Variants in SECISBP2L observed in about 807,000 individuals in gnomAD.
SECISBP2L encodes the protein selenocysteine insertion sequence-binding protein 2-like.
SECISBP2L carries 43 observed loss-of-function variants against 114.7 expected under a neutral mutation model. That is an observed-to-expected ratio of 0.38 (90% confidence interval 0.29 to 0.48). SECISBP2L has a LOEUF of 0.48. Ranked by LOEUF, SECISBP2L falls within the 20% of genes least tolerant of loss-of-function variation. The probability of loss-of-function intolerance (pLI) is 0.98; values close to 1 mark genes in which losing one functional copy is unlikely to be tolerated. For synonymous variants in SECISBP2L, 451 were observed against 439.7 expected (o/e 1.03, Z -0.32); for missense variants, 1,136 against 1,301.1 (o/e 0.87, Z 1.95).
Position 48,992,603 on chromosome 15 carries a change from G to A in SECISBP2L, c.2947C>T (p.Leu983Phe). 6.2e-7 allele frequency: 1 copy of A among 1,614,134 alleles called. No homozygotes were observed. The highest frequency in any genetic ancestry group is 8.5e-7 in the Non-Finnish European group (1 of 1,180,042). ...TCTTCTTCAAGCATGCCAGGTACAA[G>A]AGTGCTGGTGGTGCTGGTGATGGAG... ...NSSITSTTST[L>F]VPGMLEEEED... The change falls in exon 18 of 18, where the codon CTT (leucine) becomes TTT (phenylalanine). Residue 983 changes from leucine to phenylalanine, a missense_variant. This residue lies in a region of SECISBP2L where 684 missense variants were observed against 848.7 expected (regional missense o/e 0.81). Coordinates refer to ENST00000559471, the MANE Select transcript of SECISBP2L (RefSeq NM_001193489.2).
chr15:49,015,440 T>G (rs1425691732), intron 11 of SECISBP2L, among the ~76,000 whole-genome samples: 2 of 152,210 alleles, frequency 1.3e-5, no homozygotes, highest in African/African-American at 4.8e-5. Flanking sequence ...TTAAACGTTT[T>G]GCACACAGGT....
chr15:49,010,870 T>C (rs1161665203), intron 13 of SECISBP2L, among the ~76,000 whole-genome samples: 1 of 152,220 alleles, frequency 6.6e-6, no homozygotes, highest in Non-Finnish European at 1.5e-5. Context: ...AGGACCTGTC[T>C]ACTATATATC....
intron 1 of SECISBP2L, 38 bp from the exon 2 acceptor site, chr15:49,037,807 G>C: frequency 1.3e-6 from 2 of 1,526,208 alleles, no homozygotes; most frequent in Non-Finnish European, 1.8e-6. Flanking sequence ...TAACAAATGA[G>C]CAAGCAACTT....
Position 49,046,412 on chromosome 15 carries a change from C to T in SECISBP2L, c.-113G>A, listed in dbSNP as rs1368301619. On this transcript the variant is annotated 5_prime_UTR_variant, in exon 1 of 18. Coordinates refer to ENST00000559471, the MANE Select transcript of SECISBP2L (RefSeq NM_001193489.2). ...CTGGGTTCCGGACCTCCGCCCCTAT[C>T]TGGCTGGCCGCGACACCGATTCGGC... 2 of 1,204,202 alleles carry T rather than the reference C, an allele frequency of 1.7e-6. No individual in the cohort carries two copies. Among genetic ancestry groups the T allele is most frequent in the East Asian group, 3.2e-5 (1 of 31,486 alleles). 74.6% of individuals were successfully genotyped at this position (1,204,202 alleles called of 1,614,324 possible).
Position 48,992,753 on chromosome 15 carries a change from T to C in SECISBP2L, c.2797A>G (p.Thr933Ala), listed in dbSNP as rs201669301. Residue 933 changes from threonine to alanine, a missense_variant, in exon 18 of 18, where the codon ACA becomes GCA. Thr to Ala is a moderately conservative substitution (Grantham distance 58). Transcript: ENST00000559471. Reference protein sequence around the residue: ...LVATGSTTSATSAGKSTASDK... With the variant: ...LVATGSTTSAASAGKSTASDK... ...CTTGCTGTGGATTTCCCAGCACTTGTAGCTGAGGTAGTACTGCCTGTAGCC... is the reference window on the plus strand; with the variant it reads ...CTTGCTGTGGATTTCCCAGCACTTGCAGCTGAGGTAGTACTGCCTGTAGCC... The C allele has an allele frequency of 9.3e-6, 15 of 1,614,226 alleles. No homozygotes were observed. The highest frequency in any genetic ancestry group is 1.6e-4 in the Middle Eastern group (1 of 6,062).
chr15:49,030,458 C>G (rs936916123), intron 4 of SECISBP2L, among the ~76,000 whole-genome samples: 1 of 152,210 alleles, frequency 6.6e-6, no homozygotes, highest in Non-Finnish European at 1.5e-5. Flanking sequence ...AGCCTGCTAG[C>G]ACAGTGTTCC....
At chr15:49,005,612 T>G (rs1902304676) in intron 14 of SECISBP2L, among the ~76,000 whole-genome samples, 1 of 142,576 alleles carries the variant, frequency 7.0e-6, no homozygotes, top group Non-Finnish European at 1.5e-5. Context: ...TTGGTAAATA[T>G]TCCTCCATCC....
At chr15:49,025,712 A>G (rs1902727772) in intron 7 of SECISBP2L, among the ~76,000 whole-genome samples, 1 of 152,182 alleles carries the variant, frequency 6.6e-6, no homozygotes. Flanking sequence ...GCCTATTCTC[A>G]AAAAGACAAA....
At chr15:49,021,418 C>A (rs975621155) in intron 7 of SECISBP2L, among the ~76,000 whole-genome samples, 1 of 152,206 alleles carries the variant, frequency 6.6e-6, no homozygotes, top group Non-Finnish European at 1.5e-5. Context: ...TAAGACATTT[C>A]AAGTTACCTC....
At chr15:49,008,561 T>C (rs531090806) in intron 14 of SECISBP2L, among the ~76,000 whole-genome samples, 16 of 152,330 alleles carry the variant, frequency 1.1e-4, no homozygotes, top group East Asian at 5.8e-4. Flanking sequence ...TCAAAAACAA[T>C]GGTATAGGGA....
intron 17 of SECISBP2L, among the ~76,000 whole-genome samples, chr15:48,994,135 T>C (rs1902043274): frequency 6.6e-6 from 1 of 152,046 alleles, no homozygotes; most frequent in Non-Finnish European, 1.5e-5. Flanking sequence ...CACCTCCTCC[T>C]ATATTCTCAT....
At chr15:49,010,136 C>T (rs1902408226) in intron 13 of SECISBP2L, among the ~76,000 whole-genome samples, 1 of 151,670 alleles carries the variant, frequency 6.6e-6, no homozygotes, top group Non-Finnish European at 1.5e-5. Flanking sequence ...CACACACACA[C>T]ACACACACAC....
At chr15:49,034,955 C>A (rs1362742846) in intron 3 of SECISBP2L, among the ~76,000 whole-genome samples, 1 of 152,092 alleles carries the variant, frequency 6.6e-6, no homozygotes, top group Non-Finnish European at 1.5e-5. Context: ...GGCCACTACA[C>A]CTGGCCCATT....
intron 4 of SECISBP2L, among the ~76,000 whole-genome samples, chr15:49,029,565 C>T (rs1375703144): frequency 6.6e-6 from 1 of 152,088 alleles, no homozygotes; most frequent in East Asian, 1.9e-4. Flanking sequence ...GATGAGACAC[C>T]TGAGTTGTTT....
At chr15:48,994,842 GAAAA>G (rs34085482) in intron 17 of SECISBP2L, among the ~76,000 whole-genome samples, 32 of 133,046 alleles carry the variant, frequency 2.4e-4, no homozygotes, top group African/African-American at 4.0e-4. Context: ...AAGTGCTGGG[GAAAA>G]AAAAAAAAAA....
chr15:49,022,276 C>G (rs1462545073), intron 7 of SECISBP2L, among the ~76,000 whole-genome samples: 12 of 152,104 alleles, frequency 7.9e-5, no homozygotes, highest in Admixed American at 5.9e-4. Flanking sequence ...TGCCACCATG[C>G]CTGCCTTACA....
chr15:49,039,397 G>T (rs768503672), intron 1 of SECISBP2L, among the ~76,000 whole-genome samples: 1 of 151,840 alleles, frequency 6.6e-6, no homozygotes, highest in Admixed American at 6.6e-5. Context: ...AAAAGCCGAC[G>T]TACAGCAATA....
At chr15:49,007,541 G>A (rs552677132) in intron 14 of SECISBP2L, among the ~76,000 whole-genome samples, 22 of 152,260 alleles carry the variant, frequency 1.4e-4, no homozygotes, top group African/African-American at 4.8e-4. Flanking sequence ...CAGCTTTGCC[G>A]AGCTCAATTC....
intron 6 of SECISBP2L, 77 bp from the exon 7 acceptor site, chr15:49,027,557 T>C (rs1184742157): frequency 9.0e-6 from 7 of 776,782 alleles, no homozygotes; most frequent in Non-Finnish European, 1.2e-5. Context: ...CTTCACATAC[T>C]GAAATTCAGT....
Sources: gnomAD v4.1 joint callset for allele counts (sites outside exome capture counted in the v4.1 genomes callset) on GRCh38, gnomAD v4.1.1 for gene constraint, gnomAD v4.1.1 regional missense constraint, MANE v1.5 for transcripts, NCBI Gene and HGNC (gene_info 2026-07-23, HGNC 2026-07-21) for gene names.